Variants in PTDSS2 observed in about 807,000 individuals in gnomAD.
PTDSS2 encodes the protein PSS-2.
In PTDSS2, 41 loss-of-function variants were observed where a neutral mutation model predicts 64.7. That is an observed-to-expected ratio of 0.63 (90% CI 0.49 to 0.82). PTDSS2 has a LOEUF of 0.82. Ranked by LOEUF, PTDSS2 falls within the 40% of genes least tolerant of loss-of-function variation. The probability of loss-of-function intolerance (pLI) is 0.00; values close to 1 mark genes in which losing one functional copy is unlikely to be tolerated. For missense variants in PTDSS2, 485 were observed against 650.0 expected (o/e 0.75, Z 2.76); for synonymous variants, 297 against 277.8 (o/e 1.07, Z -0.69).
At chr11:471,066 G>A (rs1479152154) in intron 2 of PTDSS2, among the ~76,000 whole-genome samples, 2 of 151,328 alleles carry the variant, frequency 1.3e-5, no homozygotes, top group African/African-American at 2.4e-5. Context: ...CTTACCCAAC[G>A]GGACACACCT....
intron 3 of PTDSS2, among the ~76,000 whole-genome samples, chr11:477,655 G>A (rs1271187462): frequency 6.6e-6 from 1 of 152,254 alleles, no homozygotes. Context: ...ACTGGTCGTG[G>A]TGACCTGTGG....
At chr11:458,635 A>G (rs982151209) in intron 1 of PTDSS2, 1 of 150,634 alleles carries the variant, frequency 6.6e-6, no homozygotes, top group Non-Finnish European at 1.5e-5. Flanking sequence ...CCTCCCGAGT[A>G]GCTGGGACTA....
chr11:449,779 T>G (rs767240515), upstream of PTDSS2, among the ~76,000 whole-genome samples: 1 of 151,970 alleles, frequency 6.6e-6, no homozygotes, highest in Non-Finnish European at 1.5e-5. Context: ...AAACCCCGTC[T>G]CTACTAAAAA....
chr11:465,072 C>G (rs1399323827), intron 2 of PTDSS2, among the ~76,000 whole-genome samples: 2 of 152,230 alleles, frequency 1.3e-5, no homozygotes, highest in African/African-American at 4.8e-5. Flanking sequence ...CTTTTCAACA[C>G]TGGCGCTAGA....
At chr11:477,276 T>C (rs1178167440) in intron 3 of PTDSS2, among the ~76,000 whole-genome samples, 1 of 152,234 alleles carries the variant, frequency 6.6e-6, no homozygotes, top group Admixed American at 6.5e-5. Context: ...GCATCCCTCC[T>C]GTGTGAACGG....
chr11:481,041 G>A (rs971286090), intron 4 of PTDSS2, among the ~76,000 whole-genome samples: 4 of 149,848 alleles, frequency 2.7e-5, no homozygotes, highest in African/African-American at 4.9e-5. Context: ...CCGAGATCAC[G>A]CCACTGCACT....
rs1847813581 is a variant in PTDSS2, at chr11:476,551, G to C, written c.368-2534G>C. Among the ~76,000 whole-genome samples the C allele has an allele frequency of 6.6e-6, 1 of 152,140 alleles. No individual in the cohort carries two copies. Among genetic ancestry groups the C allele is most frequent in the South Asian group, 2.1e-4 (1 of 4,834 alleles). The stretch of plus-strand genomic sequence containing the variant: ...ACTGGGGACTGGGACGCAGCCGTGA[G>C]TGGGACAGACTGGTCAGCAGGCAGC... On this transcript the variant is annotated intron_variant, in intron 3 of 11. Coordinates refer to ENST00000308020, the MANE Select transcript of PTDSS2 (RefSeq NM_030783.3). This position sits in a 1 kb window ranked among gnomAD's most constrained non-coding sequence, Gnocchi z 4.9.
rs142570973 is a variant in PTDSS2, at chr11:485,228, AGT to A, written c.436-1708_436-1707del. ...CGTGTGTGCTCACTGTGCGCAGGCG[AGT>A]GTAAACTGCACGGGCGCGTGTGTGC... On this transcript the variant is annotated intron_variant, in intron 4 of 11. Transcript: ENST00000308020. 1.5e-4 allele frequency among the ~76,000 whole-genome samples: 18 copies of A among 117,766 alleles called. No homozygotes were observed. In the East Asian group the frequency reaches 4.6e-3, roughly 30 times the overall value. The allele number at this position is 117,766 out of a possible 152,430, so 77.3% of individuals were successfully genotyped here.
intron 2 of PTDSS2, among the ~76,000 whole-genome samples, chr11:464,383 C>G (rs1284566172): frequency 6.6e-6 from 1 of 152,242 alleles, no homozygotes; most frequent in Non-Finnish European, 1.5e-5. Context: ...ACTCAGAGCC[C>G]CGTGTGCCCA....
chr11:458,509 T>A (rs1846708815), intron 1 of PTDSS2, among the ~76,000 whole-genome samples: 1 of 76,430 alleles, frequency 1.3e-5, no homozygotes, highest in Non-Finnish European at 2.5e-5. Context: ...CTGGCCTGAT[T>A]TTTTTTTTTT....
At chr11:490,344 T>C in intron 11 of PTDSS2, 76 bp from the exon 12 acceptor site, 2 of 1,592,120 alleles carry the variant, frequency 1.3e-6, no homozygotes, top group Non-Finnish European at 1.7e-6. Flanking sequence ...CCACAGGGAC[T>C]AGGTGCCAGC....
chr11:460,721 C>T lies in PTDSS2; in HGVS notation c.284+433C>T, dbSNP rs1247738641. On this transcript the variant is annotated intron_variant, in intron 2 of 11. Transcript: ENST00000308020. This position sits in a 1 kb window ranked among gnomAD's most constrained non-coding sequence, Gnocchi z 5.8. ...ACAGGGGCCGACACGGACCGCAGAC[C>T]ATCTGGTCAGCAGCCAAGCGAGTAA... is the stretch of plus-strand genomic sequence containing the variant. 1.2e-5 allele frequency: 2 copies of T among 165,056 alleles called. No homozygotes were observed. Among genetic ancestry groups the T allele is most frequent in the African/African-American group, 4.8e-5 (2 of 42,080 alleles). The allele number at this position is 165,056 out of a possible 1,614,324, so 10.2% of individuals were successfully genotyped here.
In PTDSS2 at chr11:461,496, T is replaced by G. The variant is rs915617201; in HGVS notation, c.284+1208T>G. ...AGGACTCTGCAGCCTGCTCCCCAGA[T>G]GAGCTCACCCTCCATCCTCACCTGG... On this transcript the variant is annotated intron_variant, in intron 2 of 11. Transcript: ENST00000308020. The surrounding 1 kb of genome is among the most constrained non-coding windows in gnomAD (Gnocchi z 4.2). Among the ~76,000 whole-genome samples the G allele has an allele frequency of 6.6e-6, 1 of 152,146 alleles. No individual in the cohort carries two copies. The highest frequency in any genetic ancestry group is 1.9e-4 in the East Asian group (1 of 5,184).
intron 1 of PTDSS2, among the ~76,000 whole-genome samples, chr11:455,393 C>G (rs1053656003): frequency 6.6e-6 from 1 of 152,198 alleles, no homozygotes; most frequent in Non-Finnish European, 1.5e-5. Flanking sequence ...ACAGCAGGCT[C>G]CTGTCCCGGC....
At chr11:486,324 A>G (rs1848382670) in intron 4 of PTDSS2, among the ~76,000 whole-genome samples, 1 of 152,110 alleles carries the variant, frequency 6.6e-6, no homozygotes, top group Admixed American at 6.5e-5. Flanking sequence ...GCGCCGCAGT[A>G]ACTCAGGGCC....
intron 3 of PTDSS2, 103 bp downstream of exon 3, chr11:474,080 G>T (rs905806517): frequency 1.5e-5 from 15 of 980,620 alleles, no homozygotes; most frequent in Non-Finnish European, 2.3e-5. Flanking sequence ...CCTCCCCTCC[G>T]CCTGGCCCCT....
chr11:480,771 A>G (rs1194576923), intron 4 of PTDSS2, among the ~76,000 whole-genome samples: 1 of 151,176 alleles, frequency 6.6e-6, no homozygotes, highest in Non-Finnish European at 1.5e-5. Context: ...CTGGTCTTGA[A>G]CTCCTGACCT....
At chr11:455,017 C>T (rs1228496020) in intron 1 of PTDSS2, among the ~76,000 whole-genome samples, 2 of 151,120 alleles carry the variant, frequency 1.3e-5, no homozygotes, top group African/African-American at 2.4e-5. Context: ...CGAGTGCAGC[C>T]TCCTCCTCCA....
At chr11:463,852 A>AT (rs921932669) in intron 2 of PTDSS2, 2 of 151,926 alleles carry the variant, frequency 1.3e-5, no homozygotes, top group African/African-American at 4.8e-5. Context: ...GGCCAGCCTT[A>AT]TTTTTAAAAA....
Sources: allele counts gnomAD v4.1 joint callset (sites outside exome capture counted in the v4.1 genomes callset), GRCh38; gene constraint gnomAD v4.1.1; non-coding constraint Gnocchi (gnomAD v3.1); transcripts MANE v1.5; gene names NCBI Gene and HGNC (gene_info 2026-07-23, HGNC 2026-07-21).